The following IGSF11 variants were observed in gnomAD, a reference collection of about 807,000 sequenced individuals.
IGSF11 encodes immunoglobulin superfamily member 11, also known as CXADR like 1.
Under a neutral mutation model 41.0 loss-of-function variants are expected in IGSF11, and 22 were observed. The ratio of observed to expected loss-of-function variants is 0.54; its 90% confidence interval spans 0.38 to 0.77. IGSF11 has a LOEUF of 0.77. Ranked by LOEUF, IGSF11 falls within the 30% of genes least tolerant of loss-of-function variation. IGSF11 has a pLI of 0.00. For synonymous variants in IGSF11, 219 were observed against 201.3 expected (o/e 1.09, Z -0.74); for missense variants, 444 against 530.8 (o/e 0.84, Z 1.61).
chr3:118,922,965 G>A (rs1242050663), intron 4 of IGSF11, among the ~76,000 whole-genome samples: 1 of 152,076 alleles, frequency 6.6e-6, no homozygotes, highest in Non-Finnish European at 1.5e-5. Context: ...GAACTGACTG[G>A]AACACCTCAG....
At chr3:118,975,364 A>T (rs4687963) in intron 1 of IGSF11, among the ~76,000 whole-genome samples, 40,728 of 129,772 alleles carry the variant, frequency 0.31, 6,784 homozygotes, top group African/African-American at 0.59. Flanking sequence ...TGCTGGATTT[A>T]AAAAAAAAAA....
At chr3:119,047,422 G>T (rs1289020964) in intron 1 of IGSF11, among the ~76,000 whole-genome samples, 1 of 152,090 alleles carries the variant, frequency 6.6e-6, no homozygotes, top group African/African-American at 2.4e-5. Context: ...AATGGTAAAG[G>T]GATCAATTCA....
intron 4 of IGSF11, among the ~76,000 whole-genome samples, chr3:118,913,935 G>T (rs1411130637): frequency 6.6e-6 from 1 of 152,248 alleles, no homozygotes; most frequent in South Asian, 2.1e-4. Context: ...GAATGAAAAG[G>T]TCCAAAAAAT....
chr3:118,907,397 C>T (rs2107473904), intron 4 of IGSF11, among the ~76,000 whole-genome samples: 1 of 152,134 alleles, frequency 6.6e-6, no homozygotes, highest in Non-Finnish European at 1.5e-5. Flanking sequence ...CCTAATGAGA[C>T]AAGTATACAC....
At chr3:119,065,434 T>C (rs1290224166) in intron 1 of IGSF11, among the ~76,000 whole-genome samples, 1 of 152,160 alleles carries the variant, frequency 6.6e-6, no homozygotes, top group East Asian at 1.9e-4. Context: ...CAGTGGTCTG[T>C]AATTTTTTTT....
intron 1 of IGSF11, among the ~76,000 whole-genome samples, chr3:119,044,406 T>G (rs929004143): frequency 3.3e-5 from 5 of 151,658 alleles, no homozygotes; most frequent in African/African-American, 1.2e-4. Flanking sequence ...TCCAAGAAAT[T>G]TGGGATTATG....
At chr3:118,969,914 T>G (rs1933183826) in intron 1 of IGSF11, among the ~76,000 whole-genome samples, 1 of 152,202 alleles carries the variant, frequency 6.6e-6, no homozygotes, top group Non-Finnish European at 1.5e-5. Flanking sequence ...CTCATCCTCC[T>G]CATCTCTGCC....
Position 119,069,932 on chromosome 3 carries a change from A to G in IGSF11, c.49+35212T>C, listed in dbSNP as rs183390035. ...CAATGATTCACTCGAGTATGAGACA[A>G]CCCTGTAAGAAAAAGCAATGGGTAG... On this transcript the variant is annotated intron_variant, in intron 1 of 6. Coordinates refer to the IGSF11 transcript ENST00000354673. 9.8e-5 allele frequency among the ~76,000 whole-genome samples: 15 copies of G among 152,308 alleles called. No individual in the cohort carries two copies. The East Asian group carries it at 2.7e-3, about 27-fold the overall frequency.
At position 118,991,719 on chromosome 3, in the gene IGSF11, C is replaced by T. The variant is rs564862993; in HGVS notation, c.52+42812G>A. On this transcript the variant is annotated intron_variant, in intron 1 of 6. Transcript: ENST00000393775. ...AAGAGAACAGAACATAAAATTATCT[C>T]CTAAGAGCATTAACTACCATTTTTT... is the stretch of plus-strand genomic sequence containing the variant. Among the ~76,000 whole-genome samples, 3 of 152,230 alleles carry T rather than the reference C, an allele frequency of 2.0e-5. No individual in the cohort carries two copies. The South Asian group carries it at 6.2e-4, about 32-fold the overall frequency.
chr3:118,978,993 A>G (rs1372985740), intron 1 of IGSF11, among the ~76,000 whole-genome samples: 1 of 152,198 alleles, frequency 6.6e-6, no homozygotes, highest in African/African-American at 2.4e-5. Context: ...TAAAAAAGAA[A>G]ACCTCCCTGA....
At chr3:118,906,831 T>C (rs1022693253) in intron 4 of IGSF11, among the ~76,000 whole-genome samples, 5 of 152,210 alleles carry the variant, frequency 3.3e-5, no homozygotes, top group Admixed American at 6.5e-5. Flanking sequence ...TTTCAATCTT[T>C]ACAATTACCC....
intron 1 of IGSF11, among the ~76,000 whole-genome samples, chr3:119,031,162 C>G (rs1940359493): frequency 6.6e-6 from 1 of 152,112 alleles, no homozygotes. Flanking sequence ...GAGGCTGAGG[C>G]AGGAGAACTG....
At chr3:119,135,590 T>C (rs150044670) in intron 1 of IGSF11, among the ~76,000 whole-genome samples, 12,138 of 152,110 alleles carry the variant, frequency 0.08, 643 homozygotes, top group Admixed American at 0.16. Flanking sequence ...TGTGGAGAAA[T>C]AGGAACGTTT....
At chr3:119,056,613 C>A (rs150482008) in intron 1 of IGSF11, among the ~76,000 whole-genome samples, 5,417 of 152,286 alleles carry the variant, frequency 0.036, 333 homozygotes, top group African/African-American at 0.12. Flanking sequence ...TCCTCCCTAA[C>A]TCATTTTATG....
intron 1 of IGSF11, among the ~76,000 whole-genome samples, chr3:118,951,809 C>T (rs1944591211): frequency 6.6e-6 from 1 of 152,158 alleles, no homozygotes; most frequent in Non-Finnish European, 1.5e-5. Flanking sequence ...ATACCTAACA[C>T]AACGTAAATG....
intron 1 of IGSF11, among the ~76,000 whole-genome samples, chr3:119,059,179 TCACACACACACACACA>T (rs144416307): frequency 6.8e-6 from 1 of 147,844 alleles, no homozygotes; most frequent in Non-Finnish European, 1.5e-5. Context: ...TATACACAGA[TCACACACACACACACA>T]CACACACACA....
At chr3:119,073,392 G>A (rs376502534) in intron 1 of IGSF11, among the ~76,000 whole-genome samples, 8 of 152,206 alleles carry the variant, frequency 5.3e-5, no homozygotes, top group Non-Finnish European at 5.9e-5. Context: ...CCTGGGCCGC[G>A]CATCTGCACT....
intron 1 of IGSF11, among the ~76,000 whole-genome samples, chr3:119,083,247 G>A (rs1395607476): frequency 6.6e-6 from 1 of 151,318 alleles, no homozygotes; most frequent in Non-Finnish European, 1.5e-5. Flanking sequence ...AGCCTCACGA[G>A]GAGCTGGGAC....
In IGSF11 at chr3:118,994,041, T is replaced by A. The variant is rs1320456504; in HGVS notation, c.52+40490A>T. 2.0e-5 allele frequency among the ~76,000 whole-genome samples: 3 copies of A among 152,204 alleles called. No homozygotes were observed. In the East Asian group the frequency reaches 5.8e-4, roughly 29 times the overall value. On this transcript the variant is annotated intron_variant, in intron 1 of 6. Transcript: ENST00000393775. ...TATGAATTATATGTCAATAAAATAG[T>A]TTTGCATTGTGCCAAACTGCAAACC...
Sources: allele counts gnomAD v4.1 joint callset (sites outside exome capture counted in the v4.1 genomes callset), GRCh38; gene constraint gnomAD v4.1.1; transcripts MANE v1.5; gene names NCBI Gene and HGNC (gene_info 2026-07-23, HGNC 2026-07-21).